COBLL1: variants seen among roughly 807,000 people sequenced by gnomAD.
COBLL1 encodes the protein cordon-bleu protein-like 1.
Under a neutral mutation model 94.8 loss-of-function variants are expected in COBLL1, and 50 were observed. The observed-to-expected ratio is 0.53, with a 90% confidence interval of 0.42 to 0.67. The LOEUF (loss-of-function observed/expected upper bound fraction) is 0.67. COBLL1 is among the 30% of genes least tolerant of loss of function. The probability of loss-of-function intolerance (pLI) is 0.00; values close to 1 mark genes in which losing one functional copy is unlikely to be tolerated. For synonymous variants in COBLL1, 448 were observed against 473.8 expected (o/e 0.95, Z 0.71); for missense variants, 1,362 against 1,348.7 (o/e 1.01, Z -0.15).
intron 7 of COBLL1, among the ~76,000 whole-genome samples, chr2:164,717,076 C>T (rs1179551854): frequency 6.6e-6 from 1 of 152,070 alleles, no homozygotes; most frequent in Non-Finnish European, 1.5e-5. Flanking sequence ...TTTATTTACC[C>T]GCATGAATAA....
At chr2:164,808,208 C>T (rs538587954) in intron 2 of COBLL1, among the ~76,000 whole-genome samples, 1 of 152,094 alleles carries the variant, frequency 6.6e-6, no homozygotes, top group Non-Finnish European at 1.5e-5. Flanking sequence ...TCCTTCTGAC[C>T]CAATCTGTAA....
In COBLL1 at chr2:164,684,325, CTTGTCT is replaced by C. The variant is rs2105402267; in HGVS notation, c.*1615_*1620del. The C allele has an allele frequency of 6.6e-6, 1 of 152,092 alleles. No homozygotes were observed. Among genetic ancestry groups the C allele is most frequent in the East Asian group, 1.9e-4 (1 of 5,178 alleles). The allele number at this position is 152,092 out of a possible 1,614,324, so 9.4% of individuals were successfully genotyped here. A position where few individuals can be genotyped will look rare whatever the true frequency, so the allele number is the denominator to read the frequency against. On this transcript the variant is annotated 3_prime_UTR_variant, in exon 14 of 14. Coordinates refer to ENST00000652658, the MANE Select transcript of COBLL1 (RefSeq NM_001365672.2). ...TATATTGAAAACATCTTACATGTCG[CTTGTCT>C]TTAAGTCTTCAATCCAACTCAAAAT...
At position 164,805,336 on chromosome 2, in the gene COBLL1, T is replaced by TAA. The variant is rs1559033598; in HGVS notation, c.41+35819_41+35820insTT. 7.1e-3 allele frequency among the ~76,000 whole-genome samples: 426 copies of TAA among 60,342 alleles called. 46 individuals carry two copies. The highest frequency in any genetic ancestry group is 0.026 in the African/African-American group (406 of 15,560). The allele number at this position is 60,342 out of a possible 152,430, so 39.6% of individuals were successfully genotyped here. A position where few individuals can be genotyped will look rare whatever the true frequency, so the allele number is the denominator to read the frequency against. On this transcript the variant is annotated intron_variant, in intron 2 of 13. Transcript: ENST00000652658. ...CTCTCTCTCTCTCTCTCTCTCTCTC[T>TAA]CTATATATATATATATATATATATA...
chr2:164,729,892 A>G (rs756974999), intron 4 of COBLL1, 22 bp downstream of exon 4: 2 of 1,589,046 alleles, frequency 1.3e-6, no homozygotes, highest in Middle Eastern at 2.0e-4. Context: ...TAAGACATCA[A>G]AATATATAAT....
chr2:164,676,203 T>A (rs1691333180), downstream of COBLL1, among the ~76,000 whole-genome samples: 1 of 152,240 alleles, frequency 6.6e-6, no homozygotes, highest in African/African-American at 2.4e-5. Flanking sequence ...ATGTATACCA[T>A]AATTTTGAAT....
chr2:164,818,209 T>C (rs911569791), intron 2 of COBLL1, among the ~76,000 whole-genome samples: 7 of 151,302 alleles, frequency 4.6e-5, no homozygotes, highest in Middle Eastern at 7.0e-3. Flanking sequence ...TACATATGTG[T>C]GTATATATAC....
rs1683584827 is a variant in COBLL1, at chr2:164,841,169, C to T, written c.28G>A (p.Asp10Asn). 5.7e-6 allele frequency: 7 copies of T among 1,231,434 alleles called. No homozygotes were observed. The highest frequency in any genetic ancestry group is 6.1e-6 in the Non-Finnish European group (6 of 988,128). The allele number at this position is 1,231,434 out of a possible 1,614,324, so 76.3% of individuals were successfully genotyped here. The change falls in exon 2 of 14, where the codon GAC (aspartate) becomes AAC (asparagine). Residue 10 changes from aspartate (D) to asparagine (N), a missense_variant. Asp to Asn is a conservative substitution (Grantham distance 23). Coordinates refer to ENST00000652658, the MANE Select transcript of COBLL1 (RefSeq NM_001365672.2). This position sits in a 1 kb window ranked among gnomAD's most constrained non-coding sequence, Gnocchi z 5.5. Reference sequence around the variant, plus strand: ...CTCTGGGCTTACCTGGCTGGGGCGTCCTGCGGGCGCGGGGTTCGGCCGTCC... The same window carrying T: ...CTCTGGGCTTACCTGGCTGGGGCGTTCTGCGGGCGCGGGGTTCGGCCGTCC... MDGRTPRPQ[D>N]APARRKPKAK...
upstream of COBLL1, chr2:164,841,900 G>T: frequency 7.4e-7 from 1 of 1,350,460 alleles, no homozygotes; most frequent in South Asian, 1.3e-5. This position sits in a 1 kb window ranked among gnomAD's most constrained non-coding sequence, Gnocchi z 5.5. Flanking sequence ...CCCGCGGGCG[G>T]GGTGCGGGCG....
intron 1 of COBLL1, among the ~76,000 whole-genome samples, chr2:164,668,396 A>G (rs1181390563): frequency 6.6e-6 from 1 of 152,208 alleles, no homozygotes; most frequent in Non-Finnish European, 1.5e-5. Context: ...CCTAGTTTCA[A>G]TATGTTGCGT....
At chr2:164,662,615 T>C (rs1208338033) in intron 2 of COBLL1, among the ~76,000 whole-genome samples, 2 of 152,168 alleles carry the variant, frequency 1.3e-5, no homozygotes, top group Non-Finnish European at 2.9e-5. Flanking sequence ...TGGGGCCTAG[T>C]GGGAGATGTT....
At chr2:164,780,299 G>C (rs897534587) in intron 2 of COBLL1, among the ~76,000 whole-genome samples, 1 of 152,144 alleles carries the variant, frequency 6.6e-6, no homozygotes, top group Non-Finnish European at 1.5e-5. Flanking sequence ...GGCTGACACG[G>C]AGGGTTCTAC....
chr2:164,692,524 G>T, intron 12 of COBLL1, 127 bp from the exon 13 acceptor site: 1 of 687,754 alleles, frequency 1.5e-6, no homozygotes, highest in Non-Finnish European at 2.4e-6. Flanking sequence ...TTCAGACACA[G>T]CTCTGTTTCC....
chr2:164,686,194 T>C (rs1444836534), intron 13 of COBLL1, among the ~76,000 whole-genome samples, 162 bp from the exon 14 acceptor site: 2 of 152,202 alleles, frequency 1.3e-5, no homozygotes, highest in African/African-American at 2.4e-5. Flanking sequence ...CATTCTACCA[T>C]AAAATTTAAA....
intron 5 of COBLL1, among the ~76,000 whole-genome samples, chr2:164,725,762 T>A (rs1271901956): frequency 6.6e-6 from 1 of 152,140 alleles, no homozygotes; most frequent in African/African-American, 2.4e-5. Context: ...TACATGGTCA[T>A]CCTCCACACT....
At chr2:164,777,473 G>A (rs986864563) in intron 2 of COBLL1, among the ~76,000 whole-genome samples, 4 of 152,024 alleles carry the variant, frequency 2.6e-5, no homozygotes, top group Non-Finnish European at 5.9e-5. Context: ...CTCCTGAAAC[G>A]TTTTGTATAT....
intron 2 of COBLL1, among the ~76,000 whole-genome samples, chr2:164,830,700 GAC>G (rs1260655739): frequency 6.6e-6 from 1 of 152,114 alleles, no homozygotes; most frequent in Non-Finnish European, 1.5e-5. Context: ...TAGAATCACA[GAC>G]ATACAGTATG....
At chr2:164,782,242 T>G (rs1251352316) in intron 2 of COBLL1, among the ~76,000 whole-genome samples, 1 of 152,186 alleles carries the variant, frequency 6.6e-6, no homozygotes, top group African/African-American at 2.4e-5. Context: ...TACTACTTCT[T>G]CTTAATTTTG....
chr2:164,748,292 C>T (rs1008747940), intron 2 of COBLL1, among the ~76,000 whole-genome samples: 1 of 152,052 alleles, frequency 6.6e-6, no homozygotes, highest in Admixed American at 6.6e-5. Context: ...CTTATTTGAC[C>T]TTTTAGTCAC....
chr2:164,842,061 G>A (rs1176736168), upstream of COBLL1: 6 of 1,520,940 alleles, frequency 3.9e-6, no homozygotes, highest in East Asian at 1.0e-4. Flanking sequence ...GAGGGAAGCA[G>A]CGAGCCGGAG....
Sources: gnomAD v4.1 joint callset for allele counts (sites outside exome capture counted in the v4.1 genomes callset) on GRCh38, gnomAD v4.1.1 for gene constraint, Gnocchi (gnomAD v3.1) non-coding constraint, MANE v1.5 for transcripts, NCBI Gene and HGNC (gene_info 2026-07-23, HGNC 2026-07-21) for gene names.